The following MCF2L2 variants were observed in gnomAD, a reference collection of about 807,000 sequenced individuals.
MCF2L2 encodes the protein probable guanine nucleotide exchange factor MCF2L2.
MCF2L2 carries 102 observed loss-of-function variants against 150.2 expected under a neutral mutation model. That is an observed-to-expected ratio of 0.68 (90% CI 0.58 to 0.80). MCF2L2 has a LOEUF of 0.80. Ranked by LOEUF, MCF2L2 falls within the 30% of genes least tolerant of loss-of-function variation. MCF2L2 has a pLI of 0.00. For missense variants in MCF2L2, 1,256 were observed against 1,372.8 expected, an observed-to-expected ratio of 0.91 and a Z score of 1.34; for synonymous variants, 465 against 491.3, an observed-to-expected ratio of 0.95 and a Z score of 0.71.
chr3:183,343,076 A>G (rs1038298285), intron 3 of MCF2L2, among the ~76,000 whole-genome samples: 1 of 152,224 alleles, frequency 6.6e-6, no homozygotes, highest in African/African-American at 2.4e-5. Context: ...GAGAGAATGT[A>G]TTGTCATTAG....
chr3:183,380,066 G>A (rs760521712), intron 2 of MCF2L2, among the ~76,000 whole-genome samples: 3 of 152,062 alleles, frequency 2.0e-5, no homozygotes, highest in Non-Finnish European at 4.4e-5. Context: ...TTATTACAAG[G>A]AAGCAATAAT....
At chr3:183,386,458 T>C (rs1292012218) in intron 2 of MCF2L2, among the ~76,000 whole-genome samples, 2 of 152,200 alleles carry the variant, frequency 1.3e-5, no homozygotes, top group Non-Finnish European at 2.9e-5. Flanking sequence ...TCAGGCTTCA[T>C]GTAATGAGCC....
At chr3:183,396,246 T>C (rs1280874959) in intron 1 of MCF2L2, among the ~76,000 whole-genome samples, 1 of 152,106 alleles carries the variant, frequency 6.6e-6, no homozygotes, top group African/African-American at 2.4e-5. Context: ...CTAGGGTGGT[T>C]TGTGGGTTGC....
intron 6 of MCF2L2, among the ~76,000 whole-genome samples, chr3:183,322,220 C>T (rs1416924887): frequency 6.6e-6 from 1 of 152,208 alleles, no homozygotes; most frequent in Non-Finnish European, 1.5e-5. Context: ...ATAACAATCA[C>T]CAGTATCAGT....
At chr3:183,314,393 TACTGAAGGGCCAAAAGAAAAGAG>T (rs947399340) in intron 7 of MCF2L2, among the ~76,000 whole-genome samples, 4 of 152,210 alleles carry the variant, frequency 2.6e-5, no homozygotes, top group African/African-American at 9.6e-5. Flanking sequence ...TGGTTTAATA[TACTGAAGGGCCAAAAGAAAAGAG>T]GTTCTACTGG....
At chr3:183,391,105 A>G (rs1714118401) in intron 1 of MCF2L2, among the ~76,000 whole-genome samples, 1 of 152,188 alleles carries the variant, frequency 6.6e-6, no homozygotes, top group Non-Finnish European at 1.5e-5. Flanking sequence ...ATATTTGGGA[A>G]GGTCCTCTCT....
At chr3:183,194,182 G>A (rs1722003604) in intron 26 of MCF2L2, among the ~76,000 whole-genome samples, 1 of 152,154 alleles carries the variant, frequency 6.6e-6, no homozygotes, top group Admixed American at 6.5e-5. Context: ...TTCTGGGTTA[G>A]GGTCTAGCGG....
chr3:183,405,715 C>A (rs767865720), intron 1 of MCF2L2, among the ~76,000 whole-genome samples: 2 of 152,012 alleles, frequency 1.3e-5, no homozygotes, highest in Non-Finnish European at 2.9e-5. Flanking sequence ...GGGTTGTTTC[C>A]AGTTTCATTT....
chr3:183,404,264 T>C (rs1212657087), intron 1 of MCF2L2, among the ~76,000 whole-genome samples: 1 of 152,120 alleles, frequency 6.6e-6, no homozygotes, highest in Non-Finnish European at 1.5e-5. Flanking sequence ...CAATAACACA[T>C]TTATCTATCA....
At chr3:183,321,083 G>T (rs1043476588) in intron 6 of MCF2L2, among the ~76,000 whole-genome samples, 1 of 152,016 alleles carries the variant, frequency 6.6e-6, no homozygotes, top group Non-Finnish European at 1.5e-5. Flanking sequence ...TGCAGTTTTC[G>T]GCACCCCAAA....
intron 10 of MCF2L2, among the ~76,000 whole-genome samples, chr3:183,303,951 G>A (rs1198811807): frequency 3.9e-5 from 6 of 152,070 alleles, no homozygotes; most frequent in African/African-American, 1.5e-4. Flanking sequence ...TCCATTCTCT[G>A]CTGCAACCAT....
At position 183,309,267 on chromosome 3, in the gene MCF2L2, T is replaced by G. The variant is rs1345589430; in HGVS notation, c.1113+449A>C. Among the ~76,000 whole-genome samples, 5 of 57,574 alleles carry G rather than the reference T, an allele frequency of 8.7e-5. No homozygotes were observed. In the East Asian group the frequency reaches 1.7e-3, roughly 20 times the overall value. The allele number at this position is 57,574 out of a possible 152,430, so 37.8% of individuals were successfully genotyped here. On this transcript the variant is annotated intron_variant, in intron 10 of 29. Transcript: ENST00000328913. The stretch of plus-strand genomic sequence containing the variant: ...CTTGCTCCAGGTATAAAACTAGTTG[T>G]TTTTTTTTTTCTGGTTTCTCCTTTG...
At chr3:183,419,691 G>C (rs2108631633) in intron 1 of MCF2L2, among the ~76,000 whole-genome samples, 1 of 152,174 alleles carries the variant, frequency 6.6e-6, no homozygotes, top group East Asian at 1.9e-4. Context: ...TGGCCAACAT[G>C]GTGAAACCCC....
At position 183,383,117 on chromosome 3, in the gene MCF2L2, A is replaced by C. The variant is rs181231439; in HGVS notation, c.161-3706T>G. Among the ~76,000 whole-genome samples the C allele has an allele frequency of 2.5e-3, 388 of 152,316 alleles. 1 individual carries two copies. Among genetic ancestry groups the C allele is most frequent in the Middle Eastern group, 0.017 (5 of 294 alleles). The stretch of plus-strand genomic sequence containing the variant: ...TGCCCCACATGCTACGTGACTTCCA[A>C]ATGTCTTACCAGAGGCTTAATTTAA... On this transcript the variant is annotated intron_variant, in intron 2 of 29. Transcript: ENST00000328913.
chr3:183,203,116 G>A (rs964080015), intron 25 of MCF2L2, among the ~76,000 whole-genome samples: 11 of 152,142 alleles, frequency 7.2e-5, no homozygotes, highest in African/African-American at 2.7e-4. Flanking sequence ...GGGAGGCTGA[G>A]GCAGAAGAAT....
intron 1 of MCF2L2, among the ~76,000 whole-genome samples, chr3:183,417,787 T>C (rs1184924827): frequency 6.9e-6 from 1 of 144,450 alleles, no homozygotes; most frequent in Non-Finnish European, 1.5e-5. Context: ...CAGTTCCACA[T>C]GGCTAAGGGA....
intron 1 of MCF2L2, among the ~76,000 whole-genome samples, chr3:183,414,985 T>C (rs964337946): frequency 3.3e-5 from 5 of 152,248 alleles, no homozygotes; most frequent in African/African-American, 1.2e-4. Context: ...TCCTGGAGAA[T>C]GTTCCATGTT....
rs1727984224 is a variant in MCF2L2 at position 183,289,306 on chromosome 3, C to A, written c.1676-86G>T. 18 of 862,456 alleles carry A rather than the reference C, an allele frequency of 2.1e-5. No individual in the cohort carries two copies. In the South Asian group the frequency reaches 2.6e-4, roughly 13 times the overall value. The allele number at this position is 862,456 out of a possible 1,614,324, so 53.4% of individuals were successfully genotyped here. The stretch of plus-strand genomic sequence containing the variant: ...GTCTGATTTGGACAAATAGCTGGAC[C>A]ACGTCAATGTGGCTAACTATAAAAG... On this transcript the variant is annotated intron_variant, in intron 13 of 29. Transcript: ENST00000328913.
intron 1 of MCF2L2, among the ~76,000 whole-genome samples, chr3:183,412,071 C>T (rs1560064075): frequency 6.6e-6 from 1 of 152,088 alleles, no homozygotes; most frequent in African/African-American, 2.4e-5. Flanking sequence ...TCAGTACTAC[C>T]CTAACAACAA....
Sources: gnomAD v4.1 joint callset for allele counts (sites outside exome capture counted in the v4.1 genomes callset) on GRCh38, gnomAD v4.1.1 for gene constraint, MANE v1.5 for transcripts, NCBI Gene and HGNC (gene_info 2026-07-23, HGNC 2026-07-21) for gene names.